SHISA9: variants seen among roughly 807,000 people sequenced by gnomAD.
The protein encoded by SHISA9 is protein shisa-9.
SHISA9 carries 13 observed loss-of-function variants against 38.0 expected under a neutral mutation model. That is an observed-to-expected ratio of 0.34 (90% CI 0.22 to 0.54). The LOEUF (loss-of-function observed/expected upper bound fraction) is 0.54. Ranked by LOEUF, SHISA9 falls within the 20% of genes least tolerant of loss-of-function variation. The pLI is 0.91. For synonymous variants in SHISA9, 275 were observed against 242.0 expected, an observed-to-expected ratio of 1.14 and a Z score of -1.27; for missense variants, 538 against 575.8, an observed-to-expected ratio of 0.93 and a Z score of 0.67.
chr16:13,504,020 A>G, the SHISA9 span, among the ~76,000 whole-genome samples: 3 of 152,206 alleles, frequency 2.0e-5, no homozygotes, highest in Non-Finnish European at 4.4e-5. Flanking sequence ...CCTGCAAAGT[A>G]GATATTAAAA....
At chr16:13,210,913 C>A (rs574070361) in intron 3 of SHISA9, among the ~76,000 whole-genome samples, 1 of 152,128 alleles carries the variant, frequency 6.6e-6, no homozygotes, top group South Asian at 2.1e-4. Context: ...AAGTATGTAA[C>A]CAGGCAAAAG....
chr16:13,527,282 G>A, the SHISA9 span, among the ~76,000 whole-genome samples: 3 of 152,184 alleles, frequency 2.0e-5, no homozygotes, highest in Non-Finnish European at 4.4e-5. Flanking sequence ...CTCCCTCAGC[G>A]TTTTTGGAGA....
intron 2 of SHISA9, among the ~76,000 whole-genome samples, chr16:12,975,177 G>A (rs536121671): frequency 2.6e-5 from 4 of 152,256 alleles, no homozygotes; most frequent in South Asian, 4.2e-4. Context: ...ACTGTACCCA[G>A]TGGAAGAGGG....
the SHISA9 span, among the ~76,000 whole-genome samples, chr16:13,354,235 A>G: frequency 9.4e-6 from 1 of 105,960 alleles, no homozygotes; most frequent in African/African-American, 3.5e-5. Context: ...AAAGGAAATG[A>G]GAGGTTCTAA....
intron 2 of SHISA9, among the ~76,000 whole-genome samples, chr16:13,148,018 A>G (rs1234067594): frequency 6.6e-6 from 1 of 152,114 alleles, no homozygotes; most frequent in Non-Finnish European, 1.5e-5. Context: ...CTCTGCAAAT[A>G]TGTTGAAGAA....
At chr16:13,389,027 C>T in the SHISA9 span, among the ~76,000 whole-genome samples, 1 of 152,166 alleles carries the variant, frequency 6.6e-6, no homozygotes, top group Non-Finnish European at 1.5e-5. Context: ...CTGTCATTAA[C>T]ATCCCCCACC....
the SHISA9 span, among the ~76,000 whole-genome samples, chr16:13,361,053 T>C: frequency 4.6e-5 from 7 of 152,334 alleles, no homozygotes; most frequent in South Asian, 1.2e-3. Context: ...TTTGGAGAGA[T>C]TCAAATAGAC....
At chr16:13,102,816 C>T (rs1230896) in intron 2 of SHISA9, among the ~76,000 whole-genome samples, 30,447 of 151,976 alleles carry the variant, frequency 0.2, 3,482 homozygotes, top group Non-Finnish European at 0.26. Context: ...GTCGCTGTTC[C>T]GGGAAAAATA....
chr16:12,958,126 C>G (rs2071861038), intron 2 of SHISA9, among the ~76,000 whole-genome samples: 1 of 152,174 alleles, frequency 6.6e-6, no homozygotes, highest in African/African-American at 2.4e-5. Flanking sequence ...CTCTTTTGCC[C>G]AAATGGGCCC....
At chr16:13,270,403 T>C in the SHISA9 span, among the ~76,000 whole-genome samples, 3 of 152,222 alleles carry the variant, frequency 2.0e-5, no homozygotes, top group Non-Finnish European at 4.4e-5. Flanking sequence ...AAAGCAGACT[T>C]GGAAACAGAA....
the SHISA9 span, among the ~76,000 whole-genome samples, chr16:13,447,521 G>A: frequency 6.6e-6 from 1 of 152,206 alleles, no homozygotes; most frequent in African/African-American, 2.4e-5. Flanking sequence ...GCACCTGCTA[G>A]ACCCACTACA....
the SHISA9 span, among the ~76,000 whole-genome samples, chr16:13,303,283 T>C: frequency 1.3e-5 from 2 of 152,184 alleles, no homozygotes; most frequent in Admixed American, 1.3e-4. Flanking sequence ...TGTATGTTCA[T>C]AACAGCTGTA....
the SHISA9 span, among the ~76,000 whole-genome samples, chr16:13,325,711 C>A: frequency 2.0e-5 from 3 of 152,150 alleles, no homozygotes; most frequent in African/African-American, 7.2e-5. Flanking sequence ...CCATGGAACA[C>A]TATGCAGCCA....
intron 2 of SHISA9, among the ~76,000 whole-genome samples, chr16:12,961,090 C>T (rs576351751): frequency 1.2e-4 from 18 of 152,144 alleles, no homozygotes; most frequent in African/African-American, 3.6e-4. Context: ...GGTCAGGGGA[C>T]GTTTTCCTGG....
chr16:12,948,708 C>A (rs1381184296), intron 2 of SHISA9, among the ~76,000 whole-genome samples: 1 of 152,162 alleles, frequency 6.6e-6, no homozygotes, highest in Non-Finnish European at 1.5e-5. Context: ...CCCTCATGAG[C>A]TAATCACGTC....
the SHISA9 span, among the ~76,000 whole-genome samples, chr16:13,493,052 C>G: frequency 3.3e-5 from 5 of 152,098 alleles, no homozygotes; most frequent in Non-Finnish European, 5.9e-5. Flanking sequence ...TTATGTAAAG[C>G]TATTGGAGAG....
intron 2 of SHISA9, among the ~76,000 whole-genome samples, chr16:13,016,637 C>A (rs2072761113): frequency 6.6e-6 from 1 of 152,134 alleles, no homozygotes; most frequent in African/African-American, 2.4e-5. Flanking sequence ...TCCTACAAGG[C>A]AAATTAACCA....
At chr16:13,165,356 G>A (rs988791513) in intron 2 of SHISA9, among the ~76,000 whole-genome samples, 2 of 152,066 alleles carry the variant, frequency 1.3e-5, no homozygotes, top group African/African-American at 4.8e-5. Flanking sequence ...CCTCCACTGT[G>A]TCATCTGCTT....
the SHISA9 span, among the ~76,000 whole-genome samples, chr16:13,277,662 T>C: frequency 6.6e-6 from 1 of 152,006 alleles, no homozygotes; most frequent in Non-Finnish European, 1.5e-5. Flanking sequence ...TCCTAAGTTT[T>C]TTTTTTCTTT....
Sources: allele counts gnomAD v4.1 joint callset (sites outside exome capture counted in the v4.1 genomes callset), GRCh38; gene constraint gnomAD v4.1.1; transcripts MANE v1.5; gene names NCBI Gene and HGNC (gene_info 2026-07-23, HGNC 2026-07-21).